MAGI1: variants seen among roughly 807,000 people sequenced by gnomAD.
MAGI1 encodes the protein membrane-associated guanylate kinase, WW and PDZ domain-containing protein 1.
MAGI1 carries 58 observed loss-of-function variants against 139.9 expected under a neutral mutation model. The ratio of observed to expected loss-of-function variants is 0.41; its 90% confidence interval spans 0.34 to 0.52. The LOEUF (loss-of-function observed/expected upper bound fraction) is 0.52, where lower values mean the gene tolerates loss of function less well. MAGI1 is among the 20% of genes least tolerant of loss of function. MAGI1 has a pLI of 0.12. For synonymous variants in MAGI1, 812 were observed against 737.9 expected (o/e 1.10, Z -1.63); for missense variants, 1,874 against 1,901.6 (o/e 0.99, Z 0.27).
At chr3:65,516,820 C>T (rs866373154) in intron 2 of MAGI1, among the ~76,000 whole-genome samples, 41 of 144,810 alleles carry the variant, frequency 2.8e-4, no homozygotes, top group Admixed American at 2.7e-3. Flanking sequence ...CTCCGCCTCC[C>T]GGGTTCACGC....
chr3:65,788,618 A>G (rs972885390), intron 1 of MAGI1, among the ~76,000 whole-genome samples: 2 of 152,192 alleles, frequency 1.3e-5, no homozygotes, highest in Non-Finnish European at 2.9e-5. Flanking sequence ...TGGCAATAAA[A>G]TCATCTCTAC....
chr3:65,937,374 G>A (rs2063115222), intron 1 of MAGI1, among the ~76,000 whole-genome samples: 1 of 152,132 alleles, frequency 6.6e-6, no homozygotes, highest in African/African-American at 2.4e-5. Context: ...CGTGCTCAGT[G>A]TTCAGCTACG....
intron 1 of MAGI1, among the ~76,000 whole-genome samples, chr3:65,762,376 T>C (rs192731497): frequency 2.6e-5 from 4 of 152,278 alleles, no homozygotes; most frequent in Admixed American, 1.3e-4. Context: ...CATTAATTCA[T>C]TCTCCGAACA....
At chr3:65,793,888 C>A (rs2039950198) in intron 1 of MAGI1, among the ~76,000 whole-genome samples, 1 of 152,224 alleles carries the variant, frequency 6.6e-6, no homozygotes, top group Admixed American at 6.5e-5. Context: ...GATGCTGGTT[C>A]TTTGTAGATA....
chr3:65,918,358 A>G (rs2062007203), intron 1 of MAGI1, among the ~76,000 whole-genome samples: 1 of 149,340 alleles, frequency 6.7e-6, no homozygotes, highest in Admixed American at 6.7e-5. Flanking sequence ...TCACCTGTGC[A>G]TTATACTCTT....
intron 4 of MAGI1, 63 bp downstream of exon 4, chr3:65,478,529 T>G: frequency 1.3e-6 from 2 of 1,504,506 alleles, no homozygotes; most frequent in African/African-American, 1.4e-5. Flanking sequence ...CAAAACTCTA[T>G]GCAAAAGCCT....
At chr3:65,911,292 G>A (rs530271308) in intron 1 of MAGI1, among the ~76,000 whole-genome samples, 17 of 151,908 alleles carry the variant, frequency 1.1e-4, no homozygotes, top group East Asian at 5.9e-4. Flanking sequence ...ACATTTGAAC[G>A]TTTGTCCATG....
Position 65,702,668 on chromosome 3 carries a change from G to C in MAGI1, c.314-80580C>G, listed in dbSNP as rs577425898. The stretch of plus-strand genomic sequence containing the variant: ...TCCCTTCTCTGAGAGGCCTTCCTTA[G>C]CTAAAGAAGATAACCCAATTATTTT... On this transcript the variant is annotated intron_variant, in intron 1 of 22. Transcript: ENST00000402939. 2.1e-4 allele frequency among the ~76,000 whole-genome samples: 32 copies of C among 152,100 alleles called. No individual in the cohort carries two copies. In the South Asian group the frequency reaches 6.6e-3, roughly 32 times the overall value.
At chr3:65,792,144 A>G (rs1352555071) in intron 1 of MAGI1, among the ~76,000 whole-genome samples, 3 of 152,238 alleles carry the variant, frequency 2.0e-5, no homozygotes, top group Non-Finnish European at 4.4e-5. Flanking sequence ...ATAGCTATTA[A>G]TAGAAAACTA....
intron 1 of MAGI1, among the ~76,000 whole-genome samples, chr3:65,806,220 G>T (rs1365772977): frequency 6.6e-6 from 1 of 151,888 alleles, no homozygotes; most frequent in African/African-American, 2.4e-5. Context: ...CACAAGGTCG[G>T]GAGATCAAGA....
At chr3:65,816,638 GA>G (rs11295080) in intron 1 of MAGI1, among the ~76,000 whole-genome samples, 72,110 of 142,368 alleles carry the variant, frequency 0.51, 18,156 homozygotes, top group East Asian at 0.75. Context: ...GCTAACAGGG[GA>G]AAAAAAAAAA....
At chr3:65,988,035 G>A (rs902634445) in intron 1 of MAGI1, among the ~76,000 whole-genome samples, 1 of 152,186 alleles carries the variant, frequency 6.6e-6, no homozygotes, top group Non-Finnish European at 1.5e-5. Context: ...AGATATAAGT[G>A]TAAGTTATTA....
At chr3:65,666,021 A>C (rs2086495285) in intron 1 of MAGI1, among the ~76,000 whole-genome samples, 1 of 152,154 alleles carries the variant, frequency 6.6e-6, no homozygotes, top group Admixed American at 6.5e-5. Context: ...GGAAAAAAAA[A>C]TTCAAACACT....
At chr3:65,812,458 T>TCACACACACACACACACA (rs779884222) in intron 1 of MAGI1, among the ~76,000 whole-genome samples, 2 of 101,620 alleles carry the variant, frequency 2.0e-5, no homozygotes, top group African/African-American at 3.9e-5. Context: ...TCTCTCTCTC[T>TCACACACACACACACACA]CTCTCTCTCT....
intron 2 of MAGI1, among the ~76,000 whole-genome samples, chr3:65,581,948 T>C (rs561439211): frequency 2.6e-4 from 40 of 152,292 alleles, no homozygotes; most frequent in Non-Finnish European, 4.7e-4. Context: ...AGATGTTTGA[T>C]AAATATCTTT....
intron 2 of MAGI1, among the ~76,000 whole-genome samples, chr3:65,505,423 G>A (rs1238576454): frequency 6.6e-6 from 1 of 151,002 alleles, no homozygotes; most frequent in Non-Finnish European, 1.5e-5. Flanking sequence ...CTGGGGCCAG[G>A]CATGGTAGCT....
intron 1 of MAGI1, among the ~76,000 whole-genome samples, chr3:65,705,553 G>A (rs2030092111): frequency 6.6e-6 from 1 of 152,214 alleles, no homozygotes; most frequent in Non-Finnish European, 1.5e-5. Context: ...TGATGGTAAT[G>A]CTTCTTTATT....
intron 1 of MAGI1, among the ~76,000 whole-genome samples, chr3:65,910,813 T>C (rs1392432975): frequency 1.3e-5 from 2 of 148,616 alleles, no homozygotes; most frequent in Non-Finnish European, 3.0e-5. Flanking sequence ...TCCAACACAG[T>C]AGATGGGTGT....
In MAGI1 at chr3:65,359,399, G is replaced by T. The variant is rs1198147086; in HGVS notation, c.3634+1800C>A. Reference sequence around the variant, plus strand: ...AGCCATAAGGTGACTCGAGAACCCAGACAACGAATGCATCCTTTTTTGTTT... The same window carrying T: ...AGCCATAAGGTGACTCGAGAACCCATACAACGAATGCATCCTTTTTTGTTT... On this transcript the variant is annotated intron_variant, in intron 22 of 22. Coordinates refer to ENST00000402939, the MANE Select transcript of MAGI1 (RefSeq NM_001033057.2). 2.4e-6 allele frequency: 3 copies of T among 1,270,864 alleles called. No individual in the cohort carries two copies. In the African/African-American group the frequency reaches 4.4e-5, roughly 19 times the overall value. 78.7% of individuals were successfully genotyped at this position (1,270,864 alleles called of 1,614,324 possible). A position where few individuals can be genotyped will look rare whatever the true frequency, so the allele number is the denominator to read the frequency against.
Sources: allele counts gnomAD v4.1 joint callset (sites outside exome capture counted in the v4.1 genomes callset), GRCh38; gene constraint gnomAD v4.1.1; transcripts MANE v1.5; gene names NCBI Gene and HGNC (gene_info 2026-07-23, HGNC 2026-07-21).